Variants in METAP1 observed in about 807,000 individuals in gnomAD.
The protein encoded by METAP1 is methionine aminopeptidase 1.
In METAP1, 28 loss-of-function variants were observed where a neutral mutation model predicts 53.8. The ratio of observed to expected loss-of-function variants is 0.52; its 90% CI spans 0.39 to 0.71. METAP1 has a LOEUF of 0.71. Among genes scored for constraint, METAP1 ranks in the 30% least tolerant of loss-of-function variants. METAP1 has a pLI of 0.00. For synonymous variants in METAP1, 181 were observed against 165.7 expected, an observed-to-expected ratio of 1.09 and a Z score of -0.71; for missense variants, 389 against 479.8, an observed-to-expected ratio of 0.81 and a Z score of 1.77.
chr4:99,013,033 G>GC (rs2110289956), intron 1 of METAP1, among the ~76,000 whole-genome samples: 1 of 152,264 alleles, frequency 6.6e-6, no homozygotes, highest in South Asian at 2.1e-4. Context: ...TTCTTACTAT[G>GC]CATCCCGTAA....
chr4:99,022,439 A>G (rs1177820918), intron 1 of METAP1: 2 of 628,766 alleles, frequency 3.2e-6, no homozygotes, highest in South Asian at 3.1e-5. Context: ...GCCCATTCAC[A>G]CCCTACTGGC....
chr4:99,007,548 A>G (rs190177289), intron 1 of METAP1, among the ~76,000 whole-genome samples: 1 of 150,890 alleles, frequency 6.6e-6, no homozygotes, highest in African/African-American at 2.4e-5. Flanking sequence ...TAAGTCTGTC[A>G]TTCAATAGCT....
intron 1 of METAP1, among the ~76,000 whole-genome samples, chr4:99,008,402 A>G (rs72908968): frequency 0.066 from 10,077 of 152,246 alleles, 1,126 homozygotes; most frequent in African/African-American, 0.23. Context: ...CCAAAATGTA[A>G]ATATTTCCTG....
chr4:99,038,372 T>G (rs1203908074), intron 4 of METAP1, among the ~76,000 whole-genome samples: 1 of 152,058 alleles, frequency 6.6e-6, no homozygotes, highest in Non-Finnish European at 1.5e-5. Flanking sequence ...AGTTTGAGAT[T>G]TATATTTATC....
Position 99,061,201 on chromosome 4 carries a change from A to G in METAP1, c.1045A>G (p.Arg349Gly). The change falls in exon 11 of 11, where the codon AGA (arginine) becomes GGA (glycine). Residue 349 changes from arginine (R) to glycine (G), a missense_variant. By Grantham distance (125) the Arg-to-Gly change is moderately radical (BLOSUM62 -2). Transcript: ENST00000296411. ...TWPDGWTAVTRDGKRSAQFEH... is the reference protein window; with the variant it reads ...TWPDGWTAVTGDGKRSAQFEH... Reference sequence around the variant, plus strand: ...GCCAGATGGTTGGACTGCGGTGACAAGAGACGGAAAGCGGTCTGCTCAGTT... The same window carrying G: ...GCCAGATGGTTGGACTGCGGTGACAGGAGACGGAAAGCGGTCTGCTCAGTT... 6.2e-7 allele frequency: 1 copy of G among 1,613,908 alleles called. No individual in the cohort carries two copies. Among genetic ancestry groups the G allele is most frequent in the Non-Finnish European group, 8.5e-7 (1 of 1,179,840 alleles).
At chr4:99,012,676 T>TA (rs1020780049) in intron 1 of METAP1, among the ~76,000 whole-genome samples, 3 of 150,314 alleles carry the variant, frequency 2.0e-5, no homozygotes, top group African/African-American at 7.3e-5. Context: ...TTTTTTTTTT[T>TA]TTAAAGATTT....
Position 99,039,437 on chromosome 4 carries a change from A to T in METAP1, c.404A>T (p.Asp135Val). Residue 135 changes from aspartate to valine, a missense_variant, in exon 5 of 11, where the codon GAT becomes GTT. Coordinates refer to ENST00000296411, the MANE Select transcript of METAP1 (RefSeq NM_015143.3). ...TSQIKLLSSE[D>V]IEGMRLVCRL... ...CAGATTAAATTACTCTCATCTGAAG[A>T]TATAGAAGGGATGCGACTTGTATGT... The T allele has an allele frequency of 6.2e-7, 1 of 1,609,666 alleles. No homozygotes were observed. Among genetic ancestry groups the T allele is most frequent in the East Asian group, 2.2e-5 (1 of 44,800 alleles).
chr4:99,057,971 A>G (rs1162715595), intron 10 of METAP1, among the ~76,000 whole-genome samples, 153 bp downstream of exon 10: 3 of 152,116 alleles, frequency 2.0e-5, no homozygotes, highest in Non-Finnish European at 4.4e-5. Context: ...TGAAGAACTG[A>G]AAATTGTGAG....
intron 1 of METAP1, among the ~76,000 whole-genome samples, chr4:99,002,963 A>G (rs1722991440): frequency 6.6e-6 from 1 of 152,094 alleles, no homozygotes; most frequent in African/African-American, 2.4e-5. Context: ...GCTACTACTC[A>G]GGAGGCTGAG....
At chr4:99,046,942 A>AAAAAAAAAAAAAAAAAG in intron 8 of METAP1, among the ~76,000 whole-genome samples, 1 of 133,666 alleles carries the variant, frequency 7.5e-6, no homozygotes, top group Non-Finnish European at 1.5e-5. Context: ...GAAACAAAAA[A>AAAAAAAAAAAAAAAAAG]AAAAAAAAAA....
At chr4:99,034,444 G>C in intron 3 of METAP1, 102 bp downstream of exon 3, 1 of 716,710 alleles carries the variant, frequency 1.4e-6, no homozygotes, top group East Asian at 2.9e-5. Flanking sequence ...TCAGGATTGT[G>C]TTTACAAAGG....
At chr4:99,001,008 C>G in intron 1 of METAP1, among the ~76,000 whole-genome samples, 1 of 152,100 alleles carries the variant, frequency 6.6e-6, no homozygotes, top group East Asian at 1.9e-4. Flanking sequence ...GGAAGAAAGT[C>G]TTGTTGAGCA....
chr4:99,032,510 C>T (rs182247143), intron 2 of METAP1, among the ~76,000 whole-genome samples: 3 of 152,194 alleles, frequency 2.0e-5, no homozygotes, highest in East Asian at 1.9e-4. Context: ...GTATTACAGG[C>T]GTGACCTGCT....
intron 1 of METAP1, 115 bp downstream of exon 1, chr4:98,995,982 C>G (rs983288401): frequency 1.2e-6 from 1 of 830,692 alleles, no homozygotes; most frequent in Non-Finnish European, 1.9e-6. Flanking sequence ...CTCTTCCCCC[C>G]GGCCGCGTTT....
Position 99,034,276 on chromosome 4 carries a change from T to C in METAP1, c.213T>C (p.Gly71=), listed in dbSNP as rs567372684. ...KREVSSWTVE[G]DINTDPWAGY... The stretch of plus-strand genomic sequence containing the variant: ...AAGTGTCTTCCTGGACTGTGGAAGG[T>C]GATATTAATACTGACCCATGGGCAG... Residue 71 remains glycine (G), a synonymous_variant, in exon 3 of 11, where the codon GGT becomes GGC. Transcript: ENST00000296411. 1.9e-6 allele frequency: 3 copies of C among 1,550,794 alleles called. No individual in the cohort carries two copies. The East Asian group carries it at 7.3e-5, about 38-fold the overall frequency.
At chr4:99,054,396 G>C (rs1022348481) in intron 9 of METAP1, among the ~76,000 whole-genome samples, 4 of 152,138 alleles carry the variant, frequency 2.6e-5, no homozygotes, top group Admixed American at 2.6e-4. Context: ...CTCAGCCTTC[G>C]TAGAATTGAA....
At chr4:99,037,148 T>A (rs1725477332) in intron 4 of METAP1, among the ~76,000 whole-genome samples, 1 of 151,680 alleles carries the variant, frequency 6.6e-6, no homozygotes, top group African/African-American at 2.4e-5. Context: ...ATCCTTAGCC[T>A]TTTTTTCCCT....
At chr4:99,035,326 T>C in intron 3 of METAP1, 74 bp from the exon 4 acceptor site, 1 of 1,065,142 alleles carries the variant, frequency 9.4e-7, no homozygotes, top group Non-Finnish European at 1.4e-6. Flanking sequence ...TAAAAACTTT[T>C]GAATGGACTT....
At chr4:98,997,650 A>G (rs113978257) in intron 1 of METAP1, among the ~76,000 whole-genome samples, 3 of 150,098 alleles carry the variant, frequency 2.0e-5, no homozygotes, top group African/African-American at 7.6e-5. Context: ...TTCATGAAAC[A>G]GGTAGAAAGA....
Sources: gnomAD v4.1 joint callset for allele counts (sites outside exome capture counted in the v4.1 genomes callset) on GRCh38, gnomAD v4.1.1 for gene constraint, MANE v1.5 for transcripts, NCBI Gene and HGNC (gene_info 2026-07-23, HGNC 2026-07-21) for gene names.